The following BRMS1L variants were observed in gnomAD, a reference collection of about 807,000 sequenced individuals.
BRMS1L encodes breast cancer metastasis-suppressor 1-like protein.
A neutral mutation model predicts 50.3 loss-of-function variants in BRMS1L; 23 were observed. That is an observed-to-expected ratio of 0.46 (90% CI 0.33 to 0.65). BRMS1L has a LOEUF of 0.65. Ranked by LOEUF, BRMS1L falls within the 30% of genes least tolerant of loss-of-function variation. The pLI is 0.02. For missense variants in BRMS1L, 286 were observed against 386.1 expected (o/e 0.74, Z 2.17); for synonymous variants, 114 against 126.9 (o/e 0.90, Z 0.69).
At chr14:35,826,706 A>C in intron 1 of BRMS1L, 48 bp downstream of exon 1, 1 of 1,597,204 alleles carries the variant, frequency 6.3e-7, no homozygotes, top group Non-Finnish European at 8.5e-7. Flanking sequence ...CCAGCGCGCG[A>C]CAGGCCGCTC....
chr14:35,849,209 G>A (rs917329245), intron 4 of BRMS1L, among the ~76,000 whole-genome samples: 1 of 152,040 alleles, frequency 6.6e-6, no homozygotes, highest in Non-Finnish European at 1.5e-5. Context: ...CATAATGGCT[G>A]TACTAGTTTA....
intron 4 of BRMS1L, among the ~76,000 whole-genome samples, chr14:35,846,556 T>C (rs1184201813): frequency 6.6e-6 from 1 of 152,236 alleles, no homozygotes; most frequent in Admixed American, 6.5e-5. Flanking sequence ...AGTTATTTTG[T>C]AGAATGTTCC....
chr14:35,833,110 G>T lies in BRMS1L; in HGVS notation c.361+5G>T, dbSNP rs2077946280. The T allele has an allele frequency of 6.2e-7, 1 of 1,607,668 alleles. No homozygotes were observed. The highest frequency in any genetic ancestry group is 8.5e-7 in the Non-Finnish European group (1 of 1,176,324). On this transcript the variant is annotated splice_donor_5th_base_variant and intron_variant, in intron 3 of 9. Coordinates refer to ENST00000216807, the MANE Select transcript of BRMS1L (RefSeq NM_032352.4). ...AAATTCGTACAAAGGTAGCAGGTAG[G>T]AAAGTGAAGAATCTTTTCCATATAT...
chr14:35,860,163 T>C (rs939354009), intron 4 of BRMS1L, among the ~76,000 whole-genome samples: 1 of 152,182 alleles, frequency 6.6e-6, no homozygotes, highest in African/African-American at 2.4e-5. Context: ...AGAGTCTTGC[T>C]CTGTCACCCA....
chr14:35,832,101 A>G (rs370263920), intron 2 of BRMS1L, among the ~76,000 whole-genome samples: 15 of 152,284 alleles, frequency 9.9e-5, no homozygotes, highest in African/African-American at 3.4e-4. Context: ...TTGAGCAACT[A>G]ATTTTGTTAT....
In BRMS1L at chr14:35,826,537, G is replaced by C; in HGVS notation, c.21G>C (p.Gly7=). ...GGAAAATGCCAGTCCATTCCCGAGG[G>C]GATAAGAAGGAGACCAACCATCACG... The part of the protein sequence containing the change: MPVHSR[G]DKKETNHHDE... Residue 7 remains glycine (G), a synonymous_variant, in exon 1 of 10, where the codon GGG becomes GGC. Transcript: ENST00000216807. 6.3e-7 allele frequency: 1 copy of C among 1,596,666 alleles called. No homozygotes were observed. The highest frequency in any genetic ancestry group is 8.5e-7 in the Non-Finnish European group (1 of 1,172,538).
intron 4 of BRMS1L, among the ~76,000 whole-genome samples, chr14:35,835,487 C>T (rs2077979266): frequency 6.6e-6 from 1 of 152,172 alleles, no homozygotes. Flanking sequence ...ATAACTCCCA[C>T]AAGCTTAACA....
intron 1 of BRMS1L, among the ~76,000 whole-genome samples, chr14:35,828,030 G>C (rs543970579): frequency 6.6e-5 from 10 of 152,286 alleles, no homozygotes; most frequent in African/African-American, 2.4e-4. Context: ...GCACAAAACA[G>C]GATTGATGAA....
At chr14:35,832,165 T>C (rs1400870191) in intron 2 of BRMS1L, among the ~76,000 whole-genome samples, 1 of 152,084 alleles carries the variant, frequency 6.6e-6, no homozygotes, top group Non-Finnish European at 1.5e-5. Flanking sequence ...ATAAAAACAT[T>C]GGTTTTACCT....
At chr14:35,839,302 G>A (rs1317856157) in intron 4 of BRMS1L, among the ~76,000 whole-genome samples, 1 of 152,102 alleles carries the variant, frequency 6.6e-6, no homozygotes, top group Non-Finnish European at 1.5e-5. Context: ...AGTCAGGTAG[G>A]ATGATGCTTC....
chr14:35,856,612 G>GC (rs1555315094), intron 4 of BRMS1L, among the ~76,000 whole-genome samples: 2 of 125,544 alleles, frequency 1.6e-5, no homozygotes, highest in African/African-American at 8.4e-5. Context: ...ACATTTTTTT[G>GC]GGGGGGGGTT....
At chr14:35,840,973 C>T (rs904477688) in intron 4 of BRMS1L, among the ~76,000 whole-genome samples, 6 of 152,144 alleles carry the variant, frequency 3.9e-5, no homozygotes, top group Non-Finnish European at 7.3e-5. Flanking sequence ...TACCCGTTTT[C>T]TCCTGTGGGC....
intron 1 of BRMS1L, among the ~76,000 whole-genome samples, chr14:35,827,171 A>G (rs921353978): frequency 6.6e-6 from 1 of 152,170 alleles, no homozygotes; most frequent in Non-Finnish European, 1.5e-5. Flanking sequence ...AGCTCCCTGA[A>G]GTTTGCAAGA....
Position 35,867,943 on chromosome 14 carries a change from A to G in BRMS1L, c.765A>G (p.Arg255=). 1.2e-6 allele frequency: 2 copies of G among 1,612,572 alleles called. No individual in the cohort carries two copies. The highest frequency in any genetic ancestry group is 8.5e-7 in the Non-Finnish European group (1 of 1,179,486). ...VKLEKHLHSA[R]SEEGRLYYDG... Reference sequence around the variant, plus strand: ...TGGAAAAACATCTGCACAGTGCTAGATCTGAAGAGGGAAGACTATATTATG... The same window carrying G: ...TGGAAAAACATCTGCACAGTGCTAGGTCTGAAGAGGGAAGACTATATTATG... Residue 255 remains arginine (R), a synonymous_variant, in exon 9 of 10, where the codon AGA becomes AGG. Transcript: ENST00000216807.
At chr14:35,829,972 A>G (rs1265087197) in intron 1 of BRMS1L, 24 of 410,958 alleles carry the variant, frequency 5.8e-5, no homozygotes, top group Non-Finnish European at 7.7e-5. Context: ...TTTCTCACTG[A>G]TAGTAATATG....
At chr14:35,854,592 T>C (rs928180825) in intron 4 of BRMS1L, among the ~76,000 whole-genome samples, 2 of 152,242 alleles carry the variant, frequency 1.3e-5, no homozygotes, top group African/African-American at 2.4e-5. Flanking sequence ...TTTTCTGATA[T>C]TGTCTCTGTT....
At chr14:35,831,899 C>T (rs1319921135) in intron 2 of BRMS1L, among the ~76,000 whole-genome samples, 2 of 150,556 alleles carry the variant, frequency 1.3e-5, no homozygotes, top group Non-Finnish European at 2.9e-5. Context: ...GCAGCCTGGG[C>T]GACAGAGTAA....
intron 4 of BRMS1L, among the ~76,000 whole-genome samples, chr14:35,841,787 C>T (rs1200983251): frequency 1.3e-5 from 2 of 152,152 alleles, no homozygotes; most frequent in Non-Finnish European, 2.9e-5. Context: ...GTTAAAGTCT[C>T]TCACTATTAC....
At chr14:35,834,998 T>A in intron 4 of BRMS1L, 75 bp downstream of exon 4, 1 of 1,021,230 alleles carries the variant, frequency 9.8e-7, no homozygotes, top group Non-Finnish European at 1.4e-6. Flanking sequence ...GTTAAAAAAG[T>A]AAACTAAGTA....
Sources: allele counts gnomAD v4.1 joint callset (sites outside exome capture counted in the v4.1 genomes callset), GRCh38; gene constraint gnomAD v4.1.1; transcripts MANE v1.5; gene names NCBI Gene and HGNC (gene_info 2026-07-23, HGNC 2026-07-21).